Variants in RC3H1 observed in about 807,000 individuals in gnomAD.
RC3H1 encodes roquin-1.
RC3H1 carries 50 observed loss-of-function variants against 138.2 expected under a neutral mutation model. That is an observed-to-expected ratio of 0.36 (90% CI 0.29 to 0.46). The LOEUF (loss-of-function observed/expected upper bound fraction) is 0.46. Ranked by LOEUF, RC3H1 falls within the 20% of genes least tolerant of loss-of-function variation. The pLI is 1.00. For missense variants in RC3H1, 1,031 were observed against 1,388.1 expected (o/e 0.74, Z 4.09); for synonymous variants, 462 against 489.1 (o/e 0.94, Z 0.73).
At chr1:173,999,303 C>A (rs1661518531) in intron 1 of RC3H1, among the ~76,000 whole-genome samples, 1 of 151,522 alleles carries the variant, frequency 6.6e-6, no homozygotes, top group South Asian at 2.1e-4. Flanking sequence ...TCACTTGAAC[C>A]TGGGAGGCAG....
In RC3H1 at chr1:174,022,350, T is replaced by C; in HGVS notation, c.-405A>G. ...TCCTCGTCCTCCGCCGCCCAGTCGC[T>C]CGTTGTCCTCGTCCCCTTCCTCTTC... On this transcript the variant is annotated 5_prime_UTR_variant, in exon 1 of 20. Coordinates refer to ENST00000367696, the MANE Select transcript of RC3H1 (RefSeq NM_172071.4). This position sits in a 1 kb window ranked among gnomAD's most constrained non-coding sequence, Gnocchi z 4.2. 2.6e-6 allele frequency: 1 copy of C among 377,368 alleles called. No homozygotes were observed. The highest frequency in any genetic ancestry group is 2.1e-5 in the African/African-American group (1 of 47,828). The allele number at this position is 377,368 out of a possible 1,614,324, so 23.4% of individuals were successfully genotyped here. A position where few individuals can be genotyped will look rare whatever the true frequency, so the allele number is the denominator to read the frequency against.
At chr1:173,990,748 G>T (rs866866187) in intron 2 of RC3H1, among the ~76,000 whole-genome samples, 3 of 151,824 alleles carry the variant, frequency 2.0e-5, no homozygotes, top group Non-Finnish European at 4.4e-5. Flanking sequence ...GACTACAGGC[G>T]CCTGCAACCA....
At chr1:173,968,223 C>T in intron 9 of RC3H1, among the ~76,000 whole-genome samples, 1 of 152,152 alleles carries the variant, frequency 6.6e-6, no homozygotes, top group South Asian at 2.1e-4. Context: ...CTGTCTAAAA[C>T]TTCCAGAATT....
chr1:173,944,029 C>T (rs2102855194), intron 17 of RC3H1, among the ~76,000 whole-genome samples: 1 of 151,980 alleles, frequency 6.6e-6, no homozygotes, highest in South Asian at 2.1e-4. Flanking sequence ...AAAAAATTAG[C>T]CTGGGATGGT....
chr1:173,970,626 A>G lies in RC3H1; in HGVS notation c.1222-9T>C. On this transcript the variant is annotated splice_polypyrimidine_tract_variant and intron_variant, in intron 8 of 19. Transcript: ENST00000367696. The stretch of plus-strand genomic sequence containing the variant: ...TTGCTATGCTGTGGAGGCTAAAACC[A>G]AAATCAAAACATTAGATGTGTAATA... The G allele has an allele frequency of 6.3e-7, 1 of 1,590,200 alleles. No homozygotes were observed. The highest frequency in any genetic ancestry group is 1.1e-5 in the South Asian group (1 of 89,712).
At chr1:173,985,417 C>CAATTCTTCTACATTTTATGTAGAAAGAT (rs145389429) in intron 2 of RC3H1, among the ~76,000 whole-genome samples, 25,558 of 150,454 alleles carry the variant, frequency 0.17, 7,308 homozygotes, top group African/African-American at 0.6. Context: ...ATAAGGGTTC[C>CAATTCTTCTACATTTTATGTAGAAAGAT]AATTCTTCTA....
chr1:173,948,525 T>C (rs1364962416), intron 14 of RC3H1, among the ~76,000 whole-genome samples: 3 of 152,160 alleles, frequency 2.0e-5, no homozygotes, highest in Non-Finnish European at 4.4e-5. Context: ...TGTATGCACA[T>C]TAACATTTGA....
At chr1:173,960,392 G>A (rs1160403455) in intron 13 of RC3H1, among the ~76,000 whole-genome samples, 3 of 152,016 alleles carry the variant, frequency 2.0e-5, no homozygotes, top group South Asian at 4.1e-4. Flanking sequence ...AACAAAAACA[G>A]GTGAAATTAA....
At chr1:173,951,964 AT>A in intron 14 of RC3H1, 21 bp downstream of exon 14, 3 of 1,576,950 alleles carry the variant, frequency 1.9e-6, no homozygotes, top group Non-Finnish European at 2.6e-6. Context: ...TGTATTAATT[AT>A]TGCTTAGCTA....
Position 173,980,806 on chromosome 1 carries a change from T to C in RC3H1, c.969+3A>G, listed in dbSNP as rs758491332. ...AAGAAGTAAGGAACAAAAAAGGTCC[T>C]ACCTTGTCAATAATGGACTGCATAT... On this transcript the variant is annotated splice_donor_region_variant and intron_variant, in intron 6 of 19. Coordinates refer to ENST00000367696, the MANE Select transcript of RC3H1 (RefSeq NM_172071.4). 6.2e-7 allele frequency: 1 copy of C among 1,611,262 alleles called. No homozygotes were observed. The highest frequency in any genetic ancestry group is 1.3e-5 in the African/African-American group (1 of 74,900).
intron 1 of RC3H1, among the ~76,000 whole-genome samples, chr1:174,002,935 T>C (rs1429894807): frequency 2.0e-5 from 3 of 152,322 alleles, no homozygotes; most frequent in Middle Eastern, 3.4e-3. Context: ...AACTAGATCC[T>C]GCTGACTTCC....
intron 2 of RC3H1, among the ~76,000 whole-genome samples, chr1:173,987,207 G>C (rs1661062725): frequency 6.6e-6 from 1 of 152,182 alleles, no homozygotes; most frequent in African/African-American, 2.4e-5. Context: ...TTTGGAAGGA[G>C]TCACTATGCG....
intron 1 of RC3H1, among the ~76,000 whole-genome samples, chr1:174,004,544 G>T (rs12752634): frequency 6.6e-6 from 1 of 151,770 alleles, no homozygotes; most frequent in Non-Finnish European, 1.5e-5. Flanking sequence ...AGTGGCTCAT[G>T]CCTATAATCC....
chr1:173,942,685 A>G (rs1327451981), intron 18 of RC3H1, among the ~76,000 whole-genome samples: 1 of 151,812 alleles, frequency 6.6e-6, no homozygotes, highest in Non-Finnish European at 1.5e-5. Flanking sequence ...ACAAAAAATT[A>G]GCCAGGCGAG....
chr1:173,945,898 G>C lies in RC3H1; in HGVS notation c.2961+578C>G, dbSNP rs375813450. 3.5e-3 allele frequency among the ~76,000 whole-genome samples: 528 copies of C among 151,956 alleles called. 2 individuals are homozygous for C. Among genetic ancestry groups the C allele is most frequent in the African/African-American group, 0.012 (488 of 41,448 alleles). The stretch of plus-strand genomic sequence containing the variant: ...AATTTTTTGTATTTTTAGTAGACAC[G>C]GGGTTTCACTATGTTGGCCAGACTG... On this transcript the variant is annotated intron_variant, in intron 17 of 19. Coordinates refer to ENST00000367696, the MANE Select transcript of RC3H1 (RefSeq NM_172071.4).
chr1:173,956,347 G>A (rs1198027508), intron 13 of RC3H1, among the ~76,000 whole-genome samples: 4 of 151,982 alleles, frequency 2.6e-5, no homozygotes, highest in Admixed American at 1.3e-4. Flanking sequence ...AAAGATAAAT[G>A]TTTGAGATGA....
rs1204501430 is a variant in RC3H1, at chr1:173,978,527, G to A, written c.1063C>T (p.Pro355Ser). 6.8e-6 allele frequency: 11 copies of A among 1,613,940 alleles called. No individual in the cohort carries two copies. Among genetic ancestry groups the A allele is most frequent in the Admixed American group, 1.7e-5 (1 of 59,994 alleles). Reference sequence around the variant, plus strand: ...ATGTTTGCTAACAGCTCCAAATGGGGTCTTAGTCGGTTCAAGTTTGCTGGG... The same window carrying A: ...ATGTTTGCTAACAGCTCCAAATGGGATCTTAGTCGGTTCAAGTTTGCTGGG... ...GDPANLNRLR[P>S]HLELLANIDP... Residue 355 changes from proline (P) to serine (S), a missense_variant, in exon 7 of 20, where the codon CCC becomes TCC. This residue lies in a region of RC3H1 where 142 missense variants were observed against 224.6 expected (regional missense o/e 0.63). Coordinates refer to ENST00000367696, the MANE Select transcript of RC3H1 (RefSeq NM_172071.4).
rs775699889 is a variant in RC3H1, at chr1:173,943,614, G to C, written c.2963C>G (p.Ala988Gly). ...CTGCAACACCAGCCTGTTACTAACA[G>C]CCTAGTGCATAAAGCCAAGCACACA... is the stretch of plus-strand genomic sequence containing the variant. ...SQQTQLRGLE[A>G]VSNRLVLQRE... Residue 988 changes from alanine (A) to glycine (G), a missense_variant and splice_region_variant, in exon 18 of 20, where the codon GCT (alanine) becomes GGT (glycine). By Grantham distance (60) the Ala-to-Gly change is moderately conservative. Transcript: ENST00000367696. 3.1e-6 allele frequency: 5 copies of C among 1,610,916 alleles called. No homozygotes were observed. The South Asian group carries it at 5.5e-5, about 18-fold the overall frequency.
intron 5 of RC3H1, among the ~76,000 whole-genome samples, chr1:173,981,385 T>A (rs1660810908): frequency 6.6e-6 from 1 of 152,218 alleles, no homozygotes; most frequent in African/African-American, 2.4e-5. Flanking sequence ...CCAATGAGCA[T>A]GTGAGCATCA....
Sources: allele counts gnomAD v4.1 joint callset (sites outside exome capture counted in the v4.1 genomes callset), GRCh38; gene constraint gnomAD v4.1.1; regional missense constraint gnomAD v4.1.1; non-coding constraint Gnocchi (gnomAD v3.1); transcripts MANE v1.5; gene names NCBI Gene and HGNC (gene_info 2026-07-23, HGNC 2026-07-21).